Variants in FSBP observed in about 807,000 individuals in gnomAD.
FSBP encodes the protein fibrinogen silencer binding protein, also known as fibrinogen silencer-binding protein.
A neutral mutation model predicts 24.6 loss-of-function variants in FSBP; 18 were observed. The ratio of observed to expected loss-of-function variants is 0.73; its 90% confidence interval spans 0.51 to 1.08. FSBP has a LOEUF of 1.08. Ranked by LOEUF, FSBP falls within the 50% of genes least tolerant of loss-of-function variation. The probability of loss-of-function intolerance (pLI) is 0.00; values close to 1 mark genes in which losing one functional copy is unlikely to be tolerated. For synonymous variants in FSBP, 110 were observed against 125.8 expected (o/e 0.87, Z 0.84); for missense variants, 305 against 347.6 (o/e 0.88, Z 0.98).
rs3136418 is a variant in FSBP at position 94,433,392 on chromosome 8, C to T, written c.375-736G>A. On this transcript the variant is annotated intron_variant, in intron 1 of 1. Coordinates refer to ENST00000481490, the MANE Select transcript of FSBP (RefSeq NM_001256141.2). Reference sequence around the variant, plus strand: ...CCACAACTGTATACTCAGTACCTAGCAGGTACTGTACTTAGAACCTAGTAG... The same window carrying T: ...CCACAACTGTATACTCAGTACCTAGTAGGTACTGTACTTAGAACCTAGTAG... Among the ~76,000 whole-genome samples the T allele has an allele frequency of 6.1e-3, 927 of 151,964 alleles. 13 individuals are homozygous for T. The highest frequency in any genetic ancestry group is 0.021 in the African/African-American group (868 of 41,484).
chr8:94,431,012 T>C lies in FSBP; in HGVS notation c.*1119A>G. 1.0e-6 allele frequency: 1 copy of C among 985,372 alleles called. No homozygotes were observed. Among genetic ancestry groups the C allele is most frequent in the South Asian group, 4.7e-5 (1 of 21,288 alleles). The allele number at this position is 985,372 out of a possible 1,614,324, so 61.0% of individuals were successfully genotyped here. A position where few individuals can be genotyped will look rare whatever the true frequency, so the allele number is the denominator to read the frequency against. Reference sequence around the variant, plus strand: ...TTGACTTCAAACACCCATGGTCCCCTTCACTGCTGAAATTACACCCACCCC... The same window carrying C: ...TTGACTTCAAACACCCATGGTCCCCCTCACTGCTGAAATTACACCCACCCC... On this transcript the variant is annotated 3_prime_UTR_variant, in exon 2 of 2. Coordinates refer to ENST00000481490, the MANE Select transcript of FSBP (RefSeq NM_001256141.2).
chr8:94,429,998 T>C lies in FSBP; in HGVS notation c.*2133A>G. 2.0e-6 allele frequency: 2 copies of C among 985,398 alleles called. No individual in the cohort carries two copies. Among genetic ancestry groups the C allele is most frequent in the Non-Finnish European group, 2.4e-6 (2 of 829,928 alleles). The allele number at this position is 985,398 out of a possible 1,614,324, so 61.0% of individuals were successfully genotyped here. A position where few individuals can be genotyped will look rare whatever the true frequency, so the allele number is the denominator to read the frequency against. On this transcript the variant is annotated 3_prime_UTR_variant, in exon 2 of 2. Transcript: ENST00000481490. ...CAAAGCATTCAATGGCTTCTCATTGTACGTTAAGTCTGACTCATTAAAAAT... is the reference window on the plus strand; with the variant it reads ...CAAAGCATTCAATGGCTTCTCATTGCACGTTAAGTCTGACTCATTAAAAAT...
In FSBP at chr8:94,432,642, T is replaced by C; in HGVS notation, c.389A>G (p.Glu130Gly). Residue 130 changes from glutamate (E) to glycine (G), a missense_variant, in exon 2 of 2, where the codon GAG becomes GGG. By Grantham distance (98) the Glu-to-Gly change is moderately conservative. Coordinates refer to ENST00000481490, the MANE Select transcript of FSBP (RefSeq NM_001256141.2). Reference sequence around the variant, plus strand: ...TGAACTGGTACCAGCCTGTGCCTCCTCATCCAAGTTTGCACTATAGCACAC... The same window carrying C: ...TGAACTGGTACCAGCCTGTGCCTCCCCATCCAAGTTTGCACTATAGCACAC... ...RNHIQSANLDEEAQAGTSSLQ... is the reference protein window; with the variant it reads ...RNHIQSANLDGEAQAGTSSLQ... The C allele has an allele frequency of 6.5e-7, 1 of 1,535,530 alleles. No individual in the cohort carries two copies. The highest frequency in any genetic ancestry group is 8.8e-7 in the Non-Finnish European group (1 of 1,138,814).
chr8:94,432,259 G>T lies in FSBP; in HGVS notation c.772C>A (p.Gln258Lys), dbSNP rs1292292498. 7 of 1,550,080 alleles carry T rather than the reference G, an allele frequency of 4.5e-6. No homozygotes were observed. Among genetic ancestry groups the T allele is most frequent in the Non-Finnish European group, 6.1e-6 (7 of 1,146,856 alleles). Residue 258 changes from glutamine to lysine, a missense_variant, in exon 2 of 2, where the codon CAG becomes AAG. Transcript: ENST00000481490. ...ENQKNFGLYV[Q>K]EKRDGLKRRQ... ...CTTTTCAATCCATCCCTCTTCTCCT[G>T]AACATACAATCCAAAATTTTTTTGA...
intron 1 of FSBP, among the ~76,000 whole-genome samples, chr8:94,433,083 G>T (rs1812157180): frequency 6.6e-6 from 1 of 152,012 alleles, no homozygotes; most frequent in African/African-American, 2.4e-5. Flanking sequence ...TGCTCTCCTG[G>T]ACTGATCTTA....
rs1046526114 is a variant in FSBP at position 94,427,997 on chromosome 8, T to G, written c.*4134A>C. 55 of 929,590 alleles carry G rather than the reference T, an allele frequency of 5.9e-5. No homozygotes were observed. Among genetic ancestry groups the G allele is most frequent in the Non-Finnish European group, 7.1e-5 (55 of 779,438 alleles). The allele number at this position is 929,590 out of a possible 1,614,324, so 57.6% of individuals were successfully genotyped here. ...TACACAAAAGAAAAATACTTGACTA[T>G]TTTAAGAAATCTGGTATTCGTTAGA... is the stretch of plus-strand genomic sequence containing the variant. On this transcript the variant is annotated 3_prime_UTR_variant, in exon 2 of 2. Coordinates refer to ENST00000481490, the MANE Select transcript of FSBP (RefSeq NM_001256141.2).
At chr8:94,434,128 A>C (rs1467532295) in intron 1 of FSBP, among the ~76,000 whole-genome samples, 1 of 151,922 alleles carries the variant, frequency 6.6e-6, no homozygotes, top group Non-Finnish European at 1.5e-5. Context: ...TGCTTCTATT[A>C]ATAGCTCTGC....
rs1812050200 is a variant in FSBP at position 94,430,083 on chromosome 8, G to GCGGGCAGATCACGAGGT, written c.*2031_*2047dup. 1.1e-6 allele frequency: 1 copy of GCGGGCAGATCACGAGGT among 915,216 alleles called. No individual in the cohort carries two copies. Among genetic ancestry groups the GCGGGCAGATCACGAGGT allele is most frequent in the Non-Finnish European group, 1.3e-6 (1 of 766,324 alleles). 56.7% of individuals were successfully genotyped at this position (915,216 alleles called of 1,614,324 possible). ...AATCCCAGCACTTTGGGAGGCCGAG[G>GCGGGCAGATCACGAGGT]CGGGCAGATCACGAGGTCAGGAGAT... On this transcript the variant is annotated 3_prime_UTR_variant, in exon 2 of 2. Coordinates refer to ENST00000481490, the MANE Select transcript of FSBP (RefSeq NM_001256141.2).
At chr8:94,435,902 C>A (rs561137007) in intron 1 of FSBP, among the ~76,000 whole-genome samples, 1 of 152,070 alleles carries the variant, frequency 6.6e-6, no homozygotes, top group Non-Finnish European at 1.5e-5. Flanking sequence ...TAGGCATTAA[C>A]TCCCTTTAGT....
rs1206693854 is a variant in FSBP at position 94,436,638 on chromosome 8, T to C, written c.231A>G (p.Glu77=). 2.6e-6 allele frequency: 4 copies of C among 1,550,558 alleles called. No individual in the cohort carries two copies. Among genetic ancestry groups the C allele is most frequent in the Non-Finnish European group, 3.5e-6 (4 of 1,146,964 alleles). The change falls in exon 1 of 2, where the codon GAA becomes GAG. Residue 77 remains glutamate (E), a synonymous_variant. Transcript: ENST00000481490. ...GCTGCAATAGCTCCTGTTTGGCATA[T>C]TCTTTGAGCCTTTTATAAAGGGTGC... is the stretch of plus-strand genomic sequence containing the variant. The part of the protein sequence containing the change: ...GLRTLYKRLK[E]YAKQELLQQK...
rs1812269654 is a variant in FSBP, at chr8:94,436,603, G to T, written c.266C>A (p.Thr89Asn). The T allele has an allele frequency of 6.5e-7, 1 of 1,550,298 alleles. No homozygotes were observed. Among genetic ancestry groups the T allele is most frequent in the Non-Finnish European group, 8.7e-7 (1 of 1,146,926 alleles). The change falls in exon 1 of 2, where the codon ACC becomes AAC. Residue 89 changes from threonine (T) to asparagine (N), a missense_variant. Coordinates refer to ENST00000481490, the MANE Select transcript of FSBP (RefSeq NM_001256141.2). ...AKQELLQQKETQSDFKSNISE... is the reference protein window; with the variant it reads ...AKQELLQQKENQSDFKSNISE... The stretch of plus-strand genomic sequence containing the variant: ...AATATTGCTTTTAAAATCTGATTGG[G>T]TCTCTTTTTGCTGCAATAGCTCCTG...
In FSBP at chr8:94,428,639, ATTG is replaced by A. The variant is rs1812003641; in HGVS notation, c.*3489_*3491del. ...CTTTTTAAATTTCGTATTACTTTTT[ATTG>A]TTGTACTGTTATTTATTTTTCTGCC... On this transcript the variant is annotated 3_prime_UTR_variant, in exon 2 of 2. Coordinates refer to ENST00000481490, the MANE Select transcript of FSBP (RefSeq NM_001256141.2). The A allele has an allele frequency of 1.4e-6, 1 of 706,406 alleles. No individual in the cohort carries two copies. The highest frequency in any genetic ancestry group is 1.9e-5 in the African/African-American group (1 of 51,348). 43.8% of individuals were successfully genotyped at this position (706,406 alleles called of 1,614,324 possible). A position where few individuals can be genotyped will look rare whatever the true frequency, so the allele number is the denominator to read the frequency against.
At position 94,429,026 on chromosome 8, in the gene FSBP, G is replaced by A. The variant is rs576980273; in HGVS notation, c.*3105C>T. ...TACAAGGGGAGGTAGACAATGAGGA[G>A]AATTATATGCATTTAAACTTTTGCA... On this transcript the variant is annotated 3_prime_UTR_variant, in exon 2 of 2. Transcript: ENST00000481490. The A allele has an allele frequency of 1.0e-6, 1 of 983,644 alleles. No homozygotes were observed. Among genetic ancestry groups the A allele is most frequent in the Non-Finnish European group, 1.2e-6 (1 of 828,386 alleles). The allele number at this position is 983,644 out of a possible 1,614,324, so 60.9% of individuals were successfully genotyped here.
chr8:94,436,784 G>T lies in FSBP; in HGVS notation c.85C>A (p.Leu29Ile). 6.5e-7 allele frequency: 1 copy of T among 1,550,130 alleles called. No homozygotes were observed. Residue 29 changes from leucine (L) to isoleucine (I), a missense_variant, in exon 1 of 2, where the codon CTC becomes ATC. Transcript: ENST00000481490. Reference protein sequence around the residue: ...LKLVKPYVKILEEHTNKHSVI... With the variant: ...LKLVKPYVKIIEEHTNKHSVI... Reference sequence around the variant, plus strand: ...GAATGTTTATTAGTGTGTTCTTCGAGAATTTTCACATATGGCTTCACAAGC... The same window carrying T: ...GAATGTTTATTAGTGTGTTCTTCGATAATTTTCACATATGGCTTCACAAGC...
chr8:94,431,369 TG>T lies in FSBP; in HGVS notation c.*761del, dbSNP rs1812088859. The T allele has an allele frequency of 1.0e-6, 1 of 984,538 alleles. No homozygotes were observed. Among genetic ancestry groups the T allele is most frequent in the African/African-American group, 1.7e-5 (1 of 57,192 alleles). 61.0% of individuals were successfully genotyped at this position (984,538 alleles called of 1,614,324 possible). ...TGCTGGAACAAAAATAGAGAGAGAA[TG>T]GGGGTAATTGATGTAATTATCCTGA... On this transcript the variant is annotated 3_prime_UTR_variant, in exon 2 of 2. Coordinates refer to ENST00000481490, the MANE Select transcript of FSBP (RefSeq NM_001256141.2).
At position 94,428,789 on chromosome 8, in the gene FSBP, C is replaced by T. The variant is rs981455834; in HGVS notation, c.*3342G>A. 1 of 985,032 alleles carries T rather than the reference C, an allele frequency of 1.0e-6. No homozygotes were observed. Among genetic ancestry groups the T allele is most frequent in the Non-Finnish European group, 1.2e-6 (1 of 829,830 alleles). 61.0% of individuals were successfully genotyped at this position (985,032 alleles called of 1,614,324 possible). A position where few individuals can be genotyped will look rare whatever the true frequency, so the allele number is the denominator to read the frequency against. On this transcript the variant is annotated 3_prime_UTR_variant, in exon 2 of 2. Transcript: ENST00000481490. ...ATATATTCCCCTTAATGAAACTTGT[C>T]CTCAACAAAAACTGCTAATGTTAGT...
At chr8:94,435,134 C>A (rs1368663232) in intron 1 of FSBP, among the ~76,000 whole-genome samples, 1 of 151,986 alleles carries the variant, frequency 6.6e-6, no homozygotes. Flanking sequence ...AGAGAAAATT[C>A]TGCATAAGTA....
chr8:94,428,588 C>T lies in FSBP; in HGVS notation c.*3543G>A. 2.4e-6 allele frequency: 1 copy of T among 419,880 alleles called. No homozygotes were observed. Among genetic ancestry groups the T allele is most frequent in the Non-Finnish European group, 3.2e-6 (1 of 313,420 alleles). The allele number at this position is 419,880 out of a possible 1,614,324, so 26.0% of individuals were successfully genotyped here. On this transcript the variant is annotated 3_prime_UTR_variant, in exon 2 of 2. Transcript: ENST00000481490. ...AGTGAGCCCCAAAACTGGGGATTAG[C>T]CCAACTCCTACCTCAGTTATACCGT...
rs1262696108 is a variant in FSBP at position 94,432,436 on chromosome 8, C to A, written c.595G>T (p.Val199Phe). ...GGAGACGATGTCATTCTCATATCAA[C>A]AGAGGAAAGTGAAGGCGACAAGGAT... ...ERSLSPSLSSVDMRMTSSPSS... is the reference protein window; with the variant it reads ...ERSLSPSLSSFDMRMTSSPSS... The change falls in exon 2 of 2, where the codon GTT (valine) becomes TTT (phenylalanine). Residue 199 changes from valine (V) to phenylalanine (F), a missense_variant. Physicochemically the swap from Val to Phe is conservative, Grantham distance 50 (BLOSUM62 -1). Coordinates refer to ENST00000481490, the MANE Select transcript of FSBP (RefSeq NM_001256141.2). The A allele has an allele frequency of 1.3e-6, 2 of 1,550,312 alleles. No individual in the cohort carries two copies. Among genetic ancestry groups the A allele is most frequent in the Non-Finnish European group, 1.7e-6 (2 of 1,146,866 alleles).
Sources: allele counts gnomAD v4.1 joint callset (sites outside exome capture counted in the v4.1 genomes callset), GRCh38; gene constraint gnomAD v4.1.1; transcripts MANE v1.5; gene names NCBI Gene and HGNC (gene_info 2026-07-23, HGNC 2026-07-21).